Variants in TTLL5 observed in about 807,000 individuals in gnomAD.
The protein encoded by TTLL5 is tubulin tyrosine ligase like 5, also known as tubulin polyglutamylase TTLL5.
Under a neutral mutation model 168.4 loss-of-function variants are expected in TTLL5, and 132 were observed. The observed-to-expected ratio is 0.78, with a 90% CI of 0.68 to 0.91. The LOEUF is 0.91. TTLL5 is among the 40% of genes least tolerant of loss of function. The pLI, the probability that TTLL5 is intolerant of heterozygous loss-of-function variation, is 0.00. For missense variants in TTLL5, 1,545 were observed against 1,581.5 expected, an observed-to-expected ratio of 0.98 and a Z score of 0.39; for synonymous variants, 546 against 558.6, an observed-to-expected ratio of 0.98 and a Z score of 0.32.
intron 30 of TTLL5, among the ~76,000 whole-genome samples, chr14:75,892,527 A>G (rs2032451752): frequency 6.6e-6 from 1 of 152,152 alleles, no homozygotes; most frequent in African/African-American, 2.4e-5. Flanking sequence ...ATATCTGGAG[A>G]CATTTATACT....
chr14:75,818,281 AAAT>A (rs1479957278), intron 27 of TTLL5, among the ~76,000 whole-genome samples: 1 of 152,196 alleles, frequency 6.6e-6, no homozygotes, highest in Non-Finnish European at 1.5e-5. Context: ...ATAAGGAAGA[AAAT>A]AAGTTGTAAT....
chr14:75,690,947 T>G (rs1885414839), intron 6 of TTLL5, among the ~76,000 whole-genome samples: 2 of 152,250 alleles, frequency 1.3e-5, no homozygotes, highest in Non-Finnish European at 2.9e-5. Context: ...TTCCTGCATG[T>G]GAATTATACA....
In TTLL5 at chr14:75,734,109, T is replaced by C. The variant is rs555887912; in HGVS notation, c.1186+59T>C. On this transcript the variant is annotated intron_variant, in intron 14 of 31. Coordinates refer to ENST00000298832, the MANE Select transcript of TTLL5 (RefSeq NM_015072.5). ...TAAAAATTAACCGGAGCGTCCATTT[T>C]ATCAGACTCCATAGGTTTTGCCAAC... 189 of 1,551,074 alleles carry C rather than the reference T, an allele frequency of 1.2e-4. 1 individual carries two copies. In the South Asian group the frequency reaches 1.9e-3, roughly 16 times the overall value.
intron 31 of TTLL5, among the ~76,000 whole-genome samples, chr14:75,929,441 AG>A (rs2034197936): frequency 7.2e-6 from 1 of 139,634 alleles, no homozygotes; most frequent in South Asian, 2.3e-4. Flanking sequence ...CTTTCAATAA[AG>A]ATACCTTTTT....
Position 75,914,036 on chromosome 14 carries a change from ATAT to A in TTLL5, c.3823+11813_3823+11815del, listed in dbSNP as rs1566658031. 5.9e-4 allele frequency among the ~76,000 whole-genome samples: 67 copies of A among 114,196 alleles called. 1 individual carries two copies. Among genetic ancestry groups the A allele is most frequent in the Admixed American group, 6.2e-4 (7 of 11,370 alleles). The allele number at this position is 114,196 out of a possible 152,430, so 74.9% of individuals were successfully genotyped here. A position where few individuals can be genotyped will look rare whatever the true frequency, so the allele number is the denominator to read the frequency against. ...TAAAAGGAAAAAAAAAAAAAAAAAT[ATAT>A]ATATATATATATATATTTTATCCCC... On this transcript the variant is annotated intron_variant, in intron 31 of 31. Transcript: ENST00000298832.
rs770960907 is a variant in TTLL5 at position 75,793,077 on chromosome 14, C to A, written c.3148C>A (p.His1050Asn). 1 of 1,612,212 alleles carries A rather than the reference C, an allele frequency of 6.2e-7. No individual in the cohort carries two copies. The highest frequency in any genetic ancestry group is 8.5e-7 in the Non-Finnish European group (1 of 1,178,874). ...AGCGAGACAGTATTCTCCATCCAGC[C>A]ACATCAACCTCCTCACCCAACAGGT... ...QAARQYSPSS[H>N]INLLTQQVTN... Residue 1050 changes from histidine (H) to asparagine (N), a missense_variant, in exon 27 of 32, where the codon CAC (histidine) becomes AAC (asparagine). Coordinates refer to ENST00000298832, the MANE Select transcript of TTLL5 (RefSeq NM_015072.5).
intron 5 of TTLL5, among the ~76,000 whole-genome samples, chr14:75,688,086 C>T (rs927660104): frequency 6.6e-6 from 1 of 152,098 alleles, no homozygotes; most frequent in African/African-American, 2.4e-5. Flanking sequence ...TTGGAATCTC[C>T]AGAGTGAGAA....
intron 28 of TTLL5, among the ~76,000 whole-genome samples, chr14:75,857,141 T>A (rs867399745): frequency 3.3e-5 from 5 of 152,222 alleles, no homozygotes; most frequent in Admixed American, 6.5e-5. Flanking sequence ...GGCTAGGTCA[T>A]CCTTTACTGC....
chr14:75,751,827 A>C (rs993016812), intron 17 of TTLL5, among the ~76,000 whole-genome samples: 2 of 152,176 alleles, frequency 1.3e-5, no homozygotes, highest in African/African-American at 2.4e-5. Flanking sequence ...CCATAAGGTA[A>C]AGTGAAAGCA....
intron 12 of TTLL5, 51 bp downstream of exon 12, chr14:75,720,754 G>C (rs772918774): frequency 2.3e-5 from 35 of 1,492,980 alleles, no homozygotes; most frequent in Non-Finnish European, 3.2e-5. Flanking sequence ...ATCTTGGGAA[G>C]TTGGACGGGA....
At chr14:75,914,818 C>T (rs1027237862) in intron 31 of TTLL5, among the ~76,000 whole-genome samples, 1 of 152,022 alleles carries the variant, frequency 6.6e-6, no homozygotes, top group East Asian at 1.9e-4. Context: ...AGAGACGGAG[C>T]TTCACTGTGT....
chr14:75,753,862 C>A (rs1270988757), intron 18 of TTLL5, among the ~76,000 whole-genome samples: 1 of 152,136 alleles, frequency 6.6e-6, no homozygotes, highest in African/African-American at 2.4e-5. Context: ...AGTTTAGATA[C>A]TTTGCCAGGA....
Position 75,869,821 on chromosome 14 carries a change from A to ATTTTTTTTTTGTT in TTLL5, c.3522+5969_3522+5970insGTTTTTTTTTTTT, listed in dbSNP as rs2030865143. On this transcript the variant is annotated intron_variant, in intron 29 of 31. Transcript: ENST00000298832. ...CTTGCAATGTATACATTCAACAAGTATTTTTTTTTTTTTTTTGCGATGGAG... is the reference window on the plus strand; with the variant it reads ...CTTGCAATGTATACATTCAACAAGTATTTTTTTTTTGTTTTTTTTTTTTTTTTTTGCGATGGAG... Among the ~76,000 whole-genome samples, 2 of 82,416 alleles carry ATTTTTTTTTTGTT rather than the reference A, an allele frequency of 2.4e-5. 1 individual carries two copies. The highest frequency in any genetic ancestry group is 1.0e-4 in the African/African-American group (2 of 20,010). The allele number at this position is 82,416 out of a possible 152,430, so 54.1% of individuals were successfully genotyped here. A position where few individuals can be genotyped will look rare whatever the true frequency, so the allele number is the denominator to read the frequency against.
chr14:75,906,522 T>G (rs1298693218), intron 31 of TTLL5: 1 of 985,700 alleles, frequency 1.0e-6, no homozygotes, highest in Admixed American at 6.2e-5. Context: ...TCAAATGTAG[T>G]GTTAAGTAGA....
At chr14:75,727,576 A>C (rs1471458798) in intron 12 of TTLL5, among the ~76,000 whole-genome samples, 3 of 152,168 alleles carry the variant, frequency 2.0e-5, no homozygotes, top group Non-Finnish European at 4.4e-5. Flanking sequence ...GTTTGTTAAA[A>C]TTGTCCTATG....
At chr14:75,785,422 C>A (rs1291373259) in intron 26 of TTLL5, among the ~76,000 whole-genome samples, 1 of 152,148 alleles carries the variant, frequency 6.6e-6, no homozygotes, top group African/African-American at 2.4e-5. Context: ...TTGTGATCCA[C>A]CCACCTTGGC....
intron 31 of TTLL5, among the ~76,000 whole-genome samples, chr14:75,931,325 G>C (rs909777136): frequency 3.3e-5 from 5 of 152,070 alleles, no homozygotes; most frequent in African/African-American, 1.2e-4. Flanking sequence ...GGTCCCTCCT[G>C]TTCACCTTCA....
intron 30 of TTLL5, among the ~76,000 whole-genome samples, chr14:75,901,840 T>C (rs772598818): frequency 6.6e-6 from 1 of 152,254 alleles, no homozygotes; most frequent in African/African-American, 2.4e-5. Context: ...GTACTTGTTA[T>C]GTGTCAGGCA....
rs78063346 is a variant in TTLL5, at chr14:75,695,966, C to T, written c.503-3222C>T. Reference sequence around the variant, plus strand: ...ACCCAGGCTGTGGTAATCATAGCTCCCCATAACCTCGAATTCCTAGGCTCA... The same window carrying T: ...ACCCAGGCTGTGGTAATCATAGCTCTCCATAACCTCGAATTCCTAGGCTCA... On this transcript the variant is annotated intron_variant, in intron 6 of 31. Transcript: ENST00000298832. Among the ~76,000 whole-genome samples the T allele has an allele frequency of 2.7e-5, 4 of 150,016 alleles. No individual in the cohort carries two copies. In the East Asian group the frequency reaches 7.9e-4, roughly 29 times the overall value.
Sources: allele counts gnomAD v4.1 joint callset (sites outside exome capture counted in the v4.1 genomes callset), GRCh38; gene constraint gnomAD v4.1.1; transcripts MANE v1.5; gene names NCBI Gene and HGNC (gene_info 2026-07-23, HGNC 2026-07-21).